The following ADAMTSL1 variants were observed in gnomAD, a reference collection of about 807,000 sequenced individuals.
ADAMTSL1 encodes the protein ADAMTS like 1.
Under a neutral mutation model 201.8 loss-of-function variants are expected in ADAMTSL1, and 126 were observed. The observed-to-expected ratio is 0.62, with a 90% CI of 0.54 to 0.72. ADAMTSL1 has a LOEUF of 0.72. Among genes scored for constraint, ADAMTSL1 ranks in the 30% least tolerant of loss-of-function variants. ADAMTSL1 has a pLI of 0.00. For synonymous variants in ADAMTSL1, 1,121 were observed against 903.4 expected (o/e 1.24, Z -4.32); for missense variants, 2,679 against 2,277.8 (o/e 1.18, Z -3.59).
At chr9:18,771,450 G>A (rs118147240) in intron 17 of ADAMTSL1, among the ~76,000 whole-genome samples, 172 of 152,216 alleles carry the variant, frequency 1.1e-3, no homozygotes, top group Middle Eastern at 6.8e-3. Context: ...TAATTCTAGC[G>A]TACGCCAATT....
At chr9:18,701,835 CATATAT>C (rs1162862045) in intron 13 of ADAMTSL1, among the ~76,000 whole-genome samples, 1 of 151,976 alleles carries the variant, frequency 6.6e-6, no homozygotes, top group Non-Finnish European at 1.5e-5. Flanking sequence ...TTAAAACAAA[CATATAT>C]GAGAAAGGAA....
chr9:17,959,563 A>T (rs1588479149), intron 1 of ADAMTSL1, among the ~76,000 whole-genome samples: 1 of 151,984 alleles, frequency 6.6e-6, no homozygotes, highest in African/African-American at 2.4e-5. Context: ...GATTCAAGTG[A>T]TTCTCCTGCC....
rs74675079 is a variant in ADAMTSL1 at position 18,686,899 on chromosome 9, A to G, written c.1574+2099A>G. ...ACTAAAGATCCGATTAAGATGCATT[A>G]CGTTTAACTTTAATCTTAATAAAAT... On this transcript the variant is annotated intron_variant, in intron 13 of 28. Coordinates refer to ENST00000380548, the MANE Select transcript of ADAMTSL1 (RefSeq NM_001040272.6). Among the ~76,000 whole-genome samples the G allele has an allele frequency of 1.4e-4, 21 of 152,346 alleles. No individual in the cohort carries two copies. The East Asian group carries it at 4.0e-3, about 29-fold the overall frequency.
chr9:18,866,306 A>G (rs1252644908), intron 23 of ADAMTSL1, among the ~76,000 whole-genome samples: 1 of 152,154 alleles, frequency 6.6e-6, no homozygotes, highest in Non-Finnish European at 1.5e-5. Flanking sequence ...CAATCCATAG[A>G]GAGCACTGTG....
At chr9:18,246,643 T>G (rs1831267226) in intron 2 of ADAMTSL1, among the ~76,000 whole-genome samples, 1 of 152,168 alleles carries the variant, frequency 6.6e-6, no homozygotes, top group Non-Finnish European at 1.5e-5. Flanking sequence ...AGATAAATGA[T>G]TCAGAAAAAT....
chr9:18,123,949 C>T (rs959075806), intron 1 of ADAMTSL1, among the ~76,000 whole-genome samples: 29 of 152,198 alleles, frequency 1.9e-4, no homozygotes, highest in Admixed American at 2.6e-4. Flanking sequence ...CACATTCTTG[C>T]CAGGACTTAT....
At chr9:18,558,973 T>A (rs895884317) in intron 3 of ADAMTSL1, among the ~76,000 whole-genome samples, 2 of 152,154 alleles carry the variant, frequency 1.3e-5, no homozygotes, top group African/African-American at 2.4e-5. Flanking sequence ...TTCACCCTGA[T>A]GATAGTTTAT....
chr9:18,172,274 A>T (rs1024541996), intron 2 of ADAMTSL1, among the ~76,000 whole-genome samples: 2 of 152,122 alleles, frequency 1.3e-5, no homozygotes, highest in Admixed American at 6.6e-5. Flanking sequence ...CTTAAAGTAT[A>T]TATAAAAAAA....
In ADAMTSL1 at chr9:18,200,298, A is replaced by C. The variant is rs138871127; in HGVS notation, c.207+36317A>C. Among the ~76,000 whole-genome samples, 239 of 152,156 alleles carry C rather than the reference A, an allele frequency of 1.6e-3. No homozygotes were observed. In the East Asian group the frequency reaches 0.034, roughly 22 times the overall value. On this transcript the variant is annotated intron_variant, in intron 2 of 29. Coordinates refer to the ADAMTSL1 transcript ENST00000680146. ...AAAAAAAAAAATTTGTACACAAGTC[A>C]GATAATATAATTTTGTTTTTTAATG...
intron 1 of ADAMTSL1, among the ~76,000 whole-genome samples, chr9:18,493,958 A>G (rs139316266): frequency 5.4e-4 from 82 of 152,360 alleles, no homozygotes; most frequent in Middle Eastern, 6.8e-3. Flanking sequence ...AGCTCTTAAG[A>G]AGCACACAGT....
chr9:18,675,320 C>T (rs1410843233), intron 9 of ADAMTSL1, among the ~76,000 whole-genome samples: 2 of 152,140 alleles, frequency 1.3e-5, no homozygotes, highest in Non-Finnish European at 2.9e-5. Flanking sequence ...CAAGTGGCTA[C>T]TTTCCAAGTA....
At chr9:18,174,368 G>T (rs942941176) in intron 2 of ADAMTSL1, among the ~76,000 whole-genome samples, 2 of 152,096 alleles carry the variant, frequency 1.3e-5, no homozygotes, top group Admixed American at 6.6e-5. Flanking sequence ...GGAGTGGTTG[G>T]GGATTCTTCT....
At chr9:18,896,820 A>T (rs1397331610) in intron 26 of ADAMTSL1, among the ~76,000 whole-genome samples, 1 of 152,192 alleles carries the variant, frequency 6.6e-6, no homozygotes, top group Non-Finnish European at 1.5e-5. Flanking sequence ...GCTCAGGCTC[A>T]CACAGAGACC....
chr9:18,074,759 T>C (rs576966136), intron 1 of ADAMTSL1, among the ~76,000 whole-genome samples: 23 of 151,818 alleles, frequency 1.5e-4, no homozygotes, highest in African/African-American at 4.6e-4. Flanking sequence ...CCCAACTAAT[T>C]TTTGTATTTT....
intron 2 of ADAMTSL1, among the ~76,000 whole-genome samples, chr9:18,208,257 A>G (rs1167155410): frequency 6.6e-6 from 1 of 152,176 alleles, no homozygotes; most frequent in Admixed American, 6.5e-5. Context: ...GGTTAGAAAG[A>G]GGCTATGAGT....
intron 11 of ADAMTSL1, chr9:18,680,800 TTG>T (rs1830427201): frequency 2.4e-6 from 1 of 423,868 alleles, no homozygotes. Flanking sequence ...TCAAGGGTAA[TTG>T]AGGCTGAATG....
intron 2 of ADAMTSL1, among the ~76,000 whole-genome samples, chr9:18,196,714 C>G (rs191733693): frequency 6.6e-6 from 1 of 152,198 alleles, no homozygotes; most frequent in East Asian, 1.9e-4. Context: ...TTCCGTGAAT[C>G]TCTCCATTCT....
chr9:18,077,286 C>T (rs9987604), intron 1 of ADAMTSL1, among the ~76,000 whole-genome samples: 95,771 of 152,020 alleles, frequency 0.63, 30,510 homozygotes, highest in African/African-American at 0.72. Context: ...GCATATTTAA[C>T]GTTGGAGGAA....
chr9:18,252,209 T>C (rs1030982909), intron 2 of ADAMTSL1, among the ~76,000 whole-genome samples: 2 of 152,118 alleles, frequency 1.3e-5, no homozygotes, highest in Admixed American at 6.6e-5. Context: ...AGAGTTTCTA[T>C]AATTATTTTT....
Sources: allele counts gnomAD v4.1 joint callset (sites outside exome capture counted in the v4.1 genomes callset), GRCh38; gene constraint gnomAD v4.1.1; transcripts MANE v1.5; gene names NCBI Gene and HGNC (gene_info 2026-07-23, HGNC 2026-07-21).